Variants in DPP10 observed in about 807,000 individuals in gnomAD.
The protein encoded by DPP10 is dipeptidyl peptidase like 10, also known as inactive dipeptidyl peptidase 10.
Under a neutral mutation model 120.9 loss-of-function variants are expected in DPP10, and 33 were observed. That is an observed-to-expected ratio of 0.27 (90% CI 0.21 to 0.37). DPP10 has a LOEUF of 0.37. Among genes scored for constraint, DPP10 ranks in the 10% least tolerant of loss-of-function variants. The pLI is 1.00. For synonymous variants in DPP10, 337 were observed against 326.1 expected, an observed-to-expected ratio of 1.03 and a Z score of -0.36; for missense variants, 816 against 942.8, an observed-to-expected ratio of 0.87 and a Z score of 1.76.
intron 1 of DPP10, among the ~76,000 whole-genome samples, chr2:114,942,089 C>T (rs1487913606): frequency 6.6e-6 from 1 of 150,866 alleles, no homozygotes; most frequent in Non-Finnish European, 1.5e-5. Context: ...CTGGGTAACA[C>T]GGTAAAACCC....
intron 1 of DPP10, among the ~76,000 whole-genome samples, chr2:114,823,358 C>A (rs1301486645): frequency 6.6e-6 from 1 of 151,990 alleles, no homozygotes; most frequent in Non-Finnish European, 1.5e-5. Context: ...ATCTAATCAC[C>A]CCCCACGAAG....
intron 1 of DPP10, among the ~76,000 whole-genome samples, chr2:115,022,986 T>C (rs904139456): frequency 5.3e-5 from 8 of 152,138 alleles, no homozygotes; most frequent in African/African-American, 1.4e-4. Context: ...TTTCACCTTA[T>C]ACAAAAATCA....
intron 2 of DPP10, among the ~76,000 whole-genome samples, chr2:115,326,066 A>T (rs182667091): frequency 7.6e-4 from 115 of 152,276 alleles, no homozygotes; most frequent in Non-Finnish European, 1.4e-3. Flanking sequence ...TCCATCTTAC[A>T]TGTTGAAAGA....
chr2:114,912,621 G>A (rs1288254742), intron 1 of DPP10, among the ~76,000 whole-genome samples: 1 of 152,048 alleles, frequency 6.6e-6, no homozygotes, highest in East Asian at 1.9e-4. Context: ...AGAGTGGATA[G>A]AAAGAGGATA....
chr2:114,968,182 G>A (rs77845903), intron 1 of DPP10, among the ~76,000 whole-genome samples: 227 of 152,156 alleles, frequency 1.5e-3, no homozygotes, highest in African/African-American at 2.7e-3. Context: ...CTGTGCTCTC[G>A]TCTTGTTGAT....
chr2:115,804,170 T>A (rs529060016), intron 19 of DPP10, among the ~76,000 whole-genome samples: 4 of 152,342 alleles, frequency 2.6e-5, no homozygotes, highest in African/African-American at 9.6e-5. Flanking sequence ...TCATGCTTCA[T>A]TTCATTCATT....
intron 5 of DPP10, among the ~76,000 whole-genome samples, chr2:115,542,370 A>T (rs2079226011): frequency 6.6e-6 from 1 of 152,024 alleles, no homozygotes; most frequent in Non-Finnish European, 1.5e-5. Flanking sequence ...ATTGTCCAAC[A>T]TAATGCCCTT....
chr2:115,075,253 G>A (rs1184025923), intron 1 of DPP10, among the ~76,000 whole-genome samples: 1 of 152,218 alleles, frequency 6.6e-6, no homozygotes, highest in African/African-American at 2.4e-5. Context: ...TTTCTTAGAA[G>A]TTGTTTAGAA....
At chr2:115,446,069 C>A (rs1019291322) in intron 3 of DPP10, among the ~76,000 whole-genome samples, 2 of 152,138 alleles carry the variant, frequency 1.3e-5, no homozygotes, top group Non-Finnish European at 2.9e-5. Context: ...CCCAGCTGCT[C>A]CAGCTCCAGC....
chr2:115,011,366 T>C (rs1270004579), intron 1 of DPP10, among the ~76,000 whole-genome samples: 1 of 152,208 alleles, frequency 6.6e-6, no homozygotes, highest in East Asian at 1.9e-4. Context: ...CATTGAGACA[T>C]GAATCTTGAA....
intron 7 of DPP10, among the ~76,000 whole-genome samples, chr2:115,692,472 A>T (rs904065933): frequency 6.6e-6 from 1 of 152,038 alleles, no homozygotes; most frequent in Non-Finnish European, 1.5e-5. Flanking sequence ...ACTATGTTGT[A>T]AAGAATGAGG....
At chr2:114,868,426 T>C (rs1186413119) in intron 1 of DPP10, among the ~76,000 whole-genome samples, 4 of 152,226 alleles carry the variant, frequency 2.6e-5, no homozygotes, top group Non-Finnish European at 5.9e-5. Flanking sequence ...AAGGTGTTCA[T>C]TTGTAGTTAT....
At chr2:115,368,297 G>A (rs1380767459) in intron 3 of DPP10, among the ~76,000 whole-genome samples, 1 of 152,118 alleles carries the variant, frequency 6.6e-6, no homozygotes, top group East Asian at 1.9e-4. Context: ...CCTTCTGGTA[G>A]CCCCTGGGGG....
At chr2:114,536,605 C>G (rs1686520835) in intron 1 of DPP10, among the ~76,000 whole-genome samples, 1 of 151,910 alleles carries the variant, frequency 6.6e-6, no homozygotes, top group African/African-American at 2.4e-5. Flanking sequence ...CAGGTTTTCA[C>G]CGTGTTAGCC....
chr2:115,055,953 T>C (rs1427964952), intron 1 of DPP10, among the ~76,000 whole-genome samples: 1 of 152,096 alleles, frequency 6.6e-6, no homozygotes, highest in Non-Finnish European at 1.5e-5. Context: ...GTAAAACATA[T>C]AGAAATTATA....
intron 1 of DPP10, among the ~76,000 whole-genome samples, chr2:115,119,459 T>G (rs2049709733): frequency 6.6e-6 from 1 of 152,184 alleles, no homozygotes; most frequent in African/African-American, 2.4e-5. Context: ...ACATTCCAGA[T>G]GGGGGGCCCT....
chr2:115,212,471 T>C (rs1001333174), intron 1 of DPP10, among the ~76,000 whole-genome samples: 5 of 152,168 alleles, frequency 3.3e-5, no homozygotes, highest in African/African-American at 9.6e-5. Flanking sequence ...GTGTAAACTT[T>C]TGTGGAGCAT....
chr2:115,331,993 G>A (rs963890707), intron 2 of DPP10, among the ~76,000 whole-genome samples: 31 of 152,088 alleles, frequency 2.0e-4, no homozygotes, highest in Admixed American at 9.2e-4. Flanking sequence ...AGTTTCAGAG[G>A]GAATGGTACC....
At chr2:114,888,519 AATG>A (rs755341072) in intron 1 of DPP10, among the ~76,000 whole-genome samples, 7 of 152,214 alleles carry the variant, frequency 4.6e-5, no homozygotes, top group African/African-American at 7.2e-5. Context: ...CGGCAAAAAA[AATG>A]ATGATCAAAA....
Sources: allele counts gnomAD v4.1 joint callset (sites outside exome capture counted in the v4.1 genomes callset), GRCh38; gene constraint gnomAD v4.1.1; transcripts MANE v1.5; gene names NCBI Gene and HGNC (gene_info 2026-07-23, HGNC 2026-07-21).